The following FILIP1L variants were observed in gnomAD, a reference collection of about 807,000 sequenced individuals.
The protein encoded by FILIP1L is filamin A-interacting protein 1-like.
A neutral mutation model predicts 96.6 loss-of-function variants in FILIP1L; 55 were observed. The observed-to-expected ratio is 0.57, with a 90% confidence interval of 0.46 to 0.71. The LOEUF is 0.71. Among genes scored for constraint, FILIP1L ranks in the 30% least tolerant of loss-of-function variants. The pLI is 0.00. For synonymous variants in FILIP1L, 467 were observed against 473.9 expected (o/e 0.99, Z 0.19); for missense variants, 1,304 against 1,321.2 (o/e 0.99, Z 0.20).
chr3:99,993,800 A>G (rs1709594502), intron 1 of FILIP1L, among the ~76,000 whole-genome samples: 1 of 152,194 alleles, frequency 6.6e-6, no homozygotes, highest in Admixed American at 6.5e-5. Flanking sequence ...GTGTTGAACC[A>G]TCCTTGCATC....
intron 1 of FILIP1L, chr3:100,011,880 G>A (rs1304861575): frequency 6.6e-6 from 1 of 152,106 alleles, no homozygotes; most frequent in African/African-American, 2.4e-5. Flanking sequence ...TCAAGTTTTA[G>A]TATTATAATA....
At chr3:99,934,572 A>C (rs1038461644) in intron 1 of FILIP1L, among the ~76,000 whole-genome samples, 50 of 152,220 alleles carry the variant, frequency 3.3e-4, no homozygotes, top group African/African-American at 1.1e-3. Context: ...AACTTAATCT[A>C]GGATATCCCT....
chr3:99,916,435 T>TACACACAC (rs1491315247), intron 4 of FILIP1L, among the ~76,000 whole-genome samples: 23 of 120,206 alleles, frequency 1.9e-4, no homozygotes, highest in African/African-American at 7.6e-4. Flanking sequence ...AATAACGGTT[T>TACACACAC]ATACACACAC....
chr3:100,091,578 G>T (rs920961461), intron 1 of FILIP1L, among the ~76,000 whole-genome samples: 1 of 152,202 alleles, frequency 6.6e-6, no homozygotes, highest in South Asian at 2.1e-4. Flanking sequence ...GTGTAGCCAT[G>T]TTCTAACTTA....
chr3:99,909,321 G>T (rs944740579), intron 4 of FILIP1L, among the ~76,000 whole-genome samples: 2 of 152,128 alleles, frequency 1.3e-5, no homozygotes, highest in Admixed American at 6.5e-5. Flanking sequence ...ATTGAATTTT[G>T]ATTGTGTGTA....
intron 1 of FILIP1L, among the ~76,000 whole-genome samples, chr3:99,981,193 C>G (rs1411756456): frequency 1.3e-5 from 2 of 152,194 alleles, no homozygotes; most frequent in African/African-American, 4.8e-5. Context: ...TGACACCTGA[C>G]TTTTGTTATT....
intron 1 of FILIP1L, among the ~76,000 whole-genome samples, chr3:100,088,140 A>AT (rs1310809637): frequency 6.6e-6 from 1 of 152,014 alleles, no homozygotes; most frequent in Non-Finnish European, 1.5e-5. Flanking sequence ...TCTAACTATA[A>AT]TTTTTTTAAA....
intron 1 of FILIP1L, among the ~76,000 whole-genome samples, chr3:99,987,869 G>T (rs1226094956): frequency 6.6e-6 from 1 of 152,180 alleles, no homozygotes; most frequent in Non-Finnish European, 1.5e-5. Flanking sequence ...ACTTGATCTG[G>T]CAAACAATAA....
intron 4 of FILIP1L, among the ~76,000 whole-genome samples, chr3:99,916,456 ACACACACACAC>A (rs1706956410): frequency 2.0e-5 from 3 of 149,066 alleles, no homozygotes; most frequent in Admixed American, 6.6e-5. Context: ...ACACACACAC[ACACACACACAC>A]ACACACACAC....
chr3:100,007,768 T>C (rs1225044686), intron 1 of FILIP1L, among the ~76,000 whole-genome samples: 1 of 152,018 alleles, frequency 6.6e-6, no homozygotes, highest in East Asian at 1.9e-4. Flanking sequence ...TGTGATATAG[T>C]ACTGATAGAA....
At chr3:99,831,387 C>T (rs1226573131) in intron 5 of FILIP1L, among the ~76,000 whole-genome samples, 2 of 152,116 alleles carry the variant, frequency 1.3e-5, no homozygotes, top group Non-Finnish European at 2.9e-5. Flanking sequence ...CTTACAGGTA[C>T]TTTTGATTTT....
chr3:100,082,348 A>G (rs1246144232), intron 1 of FILIP1L, among the ~76,000 whole-genome samples: 1 of 152,232 alleles, frequency 6.6e-6, no homozygotes, highest in Non-Finnish European at 1.5e-5. Flanking sequence ...TATAGCAAAA[A>G]CTTAAAAGGA....
chr3:99,992,177 A>G (rs1372748751), intron 1 of FILIP1L, among the ~76,000 whole-genome samples: 1 of 152,040 alleles, frequency 6.6e-6, no homozygotes, highest in Non-Finnish European at 1.5e-5. Flanking sequence ...CCCTTTGGAT[A>G]TATATCCCAG....
At chr3:99,854,078 G>C (rs1302732190) in intron 4 of FILIP1L, among the ~76,000 whole-genome samples, 1 of 152,120 alleles carries the variant, frequency 6.6e-6, no homozygotes, top group African/African-American at 2.4e-5. Flanking sequence ...AGTGATGAAT[G>C]GTCCACCCTA....
chr3:100,074,675 A>ATTTTTTTT (rs555819875), intron 1 of FILIP1L, among the ~76,000 whole-genome samples: 1,476 of 34,776 alleles, frequency 0.042, 599 homozygotes, highest in Non-Finnish European at 0.048. Flanking sequence ...GCAACATTTG[A>ATTTTTTTT]TTTTTTTTTT....
chr3:100,021,262 C>A (rs73859919), intron 1 of FILIP1L, among the ~76,000 whole-genome samples: 2,246 of 152,280 alleles, frequency 0.015, 56 homozygotes, highest in African/African-American at 0.052. Context: ...CTATAGAGCT[C>A]TCCTTATATA....
At chr3:100,055,277 C>G (rs1242551447) in intron 1 of FILIP1L, among the ~76,000 whole-genome samples, 1 of 152,206 alleles carries the variant, frequency 6.6e-6, no homozygotes, top group Non-Finnish European at 1.5e-5. Flanking sequence ...CTCTTGCTTT[C>G]CTCAGTATCT....
intron 1 of FILIP1L, among the ~76,000 whole-genome samples, chr3:99,983,181 A>G (rs1220273738): frequency 2.0e-5 from 3 of 151,616 alleles, no homozygotes; most frequent in Non-Finnish European, 2.9e-5. Flanking sequence ...GGATATTGTT[A>G]TCTAACTTCT....
chr3:100,013,507 G>A (rs530613570), intron 1 of FILIP1L, among the ~76,000 whole-genome samples: 227 of 152,210 alleles, frequency 1.5e-3, no homozygotes, highest in Middle Eastern at 3.4e-3. Flanking sequence ...GCCTCCCAAA[G>A]TGCTGGGATT....
Sources: allele counts gnomAD v4.1 joint callset (sites outside exome capture counted in the v4.1 genomes callset), GRCh38; gene constraint gnomAD v4.1.1; transcripts MANE v1.5; gene names NCBI Gene and HGNC (gene_info 2026-07-23, HGNC 2026-07-21).